The following GPSM2 variants were observed in gnomAD, a reference collection of about 807,000 sequenced individuals.
The protein encoded by GPSM2 is G protein signaling modulator 2, also known as G protein-signaling modulator 2.
Under a neutral mutation model 78.4 loss-of-function variants are expected in GPSM2, and 58 were observed. The ratio of observed to expected loss-of-function variants is 0.74; its 90% CI spans 0.60 to 0.92. GPSM2 has a LOEUF of 0.92. GPSM2 is among the 40% of genes least tolerant of loss of function. The pLI is 0.00. For synonymous variants in GPSM2, 224 were observed against 280.2 expected, an observed-to-expected ratio of 0.80 and a Z score of 2.00; for missense variants, 700 against 815.5, an observed-to-expected ratio of 0.86 and a Z score of 1.73.
At chr1:108,896,383 G>C (rs952445446) in intron 2 of GPSM2, among the ~76,000 whole-genome samples, 1 of 152,120 alleles carries the variant, frequency 6.6e-6, no homozygotes, top group African/African-American at 2.4e-5. Flanking sequence ...GTGTATGAGA[G>C]AGAGAGCGAG....
At chr1:108,886,570 G>A (rs2101335601) in intron 2 of GPSM2, among the ~76,000 whole-genome samples, 1 of 152,334 alleles carries the variant, frequency 6.6e-6, no homozygotes, top group Admixed American at 6.5e-5. Flanking sequence ...CCTGGTAGAA[G>A]GTTGCAGATT....
chr1:108,924,853 G>T (rs756163898), intron 14 of GPSM2, among the ~76,000 whole-genome samples: 1 of 152,142 alleles, frequency 6.6e-6, no homozygotes, highest in Non-Finnish European at 1.5e-5. Flanking sequence ...TCGTGTTTTA[G>T]ATGTATTAGG....
chr1:108,888,057 G>A (rs1019061064), intron 2 of GPSM2, among the ~76,000 whole-genome samples: 3 of 152,074 alleles, frequency 2.0e-5, no homozygotes, highest in Admixed American at 6.6e-5. Flanking sequence ...TTTTGTTTTT[G>A]TTTTTGTTTT....
intron 9 of GPSM2, among the ~76,000 whole-genome samples, chr1:108,903,794 A>G (rs1286978316): frequency 6.6e-6 from 1 of 152,216 alleles, no homozygotes; most frequent in Non-Finnish European, 1.5e-5. Context: ...TTATTCATAT[A>G]CCAAGTTAAT....
At chr1:108,887,727 A>G (rs962261615) in intron 2 of GPSM2, among the ~76,000 whole-genome samples, 2 of 152,214 alleles carry the variant, frequency 1.3e-5, no homozygotes, top group African/African-American at 4.8e-5. Context: ...CACAGACACC[A>G]TGCACCCAGT....
intron 2 of GPSM2, among the ~76,000 whole-genome samples, chr1:108,891,583 C>G (rs1262452810): frequency 6.6e-6 from 1 of 151,930 alleles, no homozygotes; most frequent in Non-Finnish European, 1.5e-5. Context: ...CACCCTCTGC[C>G]TACTGGGCTC....
intron 11 of GPSM2, among the ~76,000 whole-genome samples, chr1:108,917,607 CACACATATAT>C (rs1379520806): frequency 3.8e-5 from 1 of 26,180 alleles, no homozygotes; most frequent in African/African-American, 2.1e-4. Flanking sequence ...CACACACACA[CACACATATAT>C]ATATATATAT....
At chr1:108,910,960 TC>T (rs945855464) in intron 10 of GPSM2, among the ~76,000 whole-genome samples, 6 of 152,016 alleles carry the variant, frequency 3.9e-5, no homozygotes, top group Non-Finnish European at 8.8e-5. Flanking sequence ...AATATCCAAA[TC>T]TATTAAATCT....
intron 8 of GPSM2, 112 bp downstream of exon 8, chr1:108,902,057 G>T: frequency 3.9e-6 from 3 of 765,762 alleles, no homozygotes; most frequent in Admixed American, 2.1e-5. Context: ...TCCCTTTTAA[G>T]GAATTTTCTT....
intron 7 of GPSM2, among the ~76,000 whole-genome samples, chr1:108,900,233 ATTT>A (rs756615139): frequency 2.3e-5 from 3 of 131,206 alleles, no homozygotes; most frequent in Admixed American, 7.8e-5. Flanking sequence ...TCTTCTTTAG[ATTT>A]TTTTTTTTTT....
At chr1:108,900,753 A>T (rs1242038475) in intron 7 of GPSM2, among the ~76,000 whole-genome samples, 1 of 152,216 alleles carries the variant, frequency 6.6e-6, no homozygotes, top group Non-Finnish European at 1.5e-5. Flanking sequence ...AGTCTTTCAA[A>T]AATATTTGAA....
intron 7 of GPSM2, among the ~76,000 whole-genome samples, chr1:108,899,756 T>C (rs1324070171): frequency 6.6e-6 from 1 of 152,192 alleles, no homozygotes; most frequent in African/African-American, 2.4e-5. Flanking sequence ...GACACAGTGA[T>C]TGATTTGTAT....
At chr1:108,905,350 T>C (rs1212360164) in intron 10 of GPSM2, among the ~76,000 whole-genome samples, 1 of 152,346 alleles carries the variant, frequency 6.6e-6, no homozygotes, top group East Asian at 1.9e-4. Context: ...TAATATTCAT[T>C]GTCTTTACTT....
At chr1:108,880,746 G>T (rs191118136) in intron 1 of GPSM2, among the ~76,000 whole-genome samples, 210 of 152,328 alleles carry the variant, frequency 1.4e-3, no homozygotes, top group African/African-American at 4.9e-3. Flanking sequence ...TAGTTCAGAT[G>T]ATCTAACCTG....
In GPSM2 at chr1:108,897,008, G is replaced by T; in HGVS notation, c.201G>T (p.Gln67His). 6.2e-7 allele frequency: 1 copy of T among 1,613,928 alleles called. No individual in the cohort carries two copies. The highest frequency in any genetic ancestry group is 1.7e-5 in the Admixed American group (1 of 60,030). ...DLKTLSAIYS[Q>H]LGNAYFYLHD... The stretch of plus-strand genomic sequence containing the variant: ...AAACACTTAGCGCTATTTACAGCCA[G>T]TTGGGCAATGCTTATTTCTATTTGC... The change falls in exon 3 of 15, where the codon CAG (glutamine) becomes CAT (histidine). Residue 67 changes from glutamine (Q) to histidine (H), a missense_variant. Coordinates refer to ENST00000264126, the MANE Select transcript of GPSM2 (RefSeq NM_013296.5).
chr1:108,881,449 A>G (rs1345972572), intron 1 of GPSM2, among the ~76,000 whole-genome samples: 4 of 152,232 alleles, frequency 2.6e-5, no homozygotes, highest in African/African-American at 9.6e-5. Flanking sequence ...AAATTTTACT[A>G]GTCTTACACT....
At chr1:108,916,937 G>A (rs951445599) in intron 11 of GPSM2, among the ~76,000 whole-genome samples, 3 of 151,992 alleles carry the variant, frequency 2.0e-5, no homozygotes, top group Admixed American at 2.0e-4. Flanking sequence ...GCCTGAACTT[G>A]GATATGTGAA....
At chr1:108,880,822 T>C (rs1454650580) in intron 1 of GPSM2, among the ~76,000 whole-genome samples, 2 of 133,596 alleles carry the variant, frequency 1.5e-5, no homozygotes, top group East Asian at 4.4e-4. Flanking sequence ...GATCCATGGA[T>C]GGAAGAAACA....
rs1268703478 is a variant in GPSM2, at chr1:108,885,538, A to C, written c.16A>C (p.Ile6Leu). Residue 6 changes from isoleucine (I) to leucine (L), a missense_variant, in exon 2 of 15, where the codon ATA (isoleucine) becomes CTA (leucine). Coordinates refer to ENST00000264126, the MANE Select transcript of GPSM2 (RefSeq NM_013296.5). Reference protein sequence around the residue: MEENLISMREDHSFHV... With the variant: MEENLLSMREDHSFHV... ...ATATGACTCGATGGAGGAAAATTTG[A>C]TAAGCATGAGAGAAGACCATTCTTT... 3.8e-6 allele frequency: 6 copies of C among 1,578,672 alleles called. No homozygotes were observed. Among genetic ancestry groups the C allele is most frequent in the Non-Finnish European group, 5.2e-6 (6 of 1,148,062 alleles).
Sources: gnomAD v4.1 joint callset for allele counts (sites outside exome capture counted in the v4.1 genomes callset) on GRCh38, gnomAD v4.1.1 for gene constraint, MANE v1.5 for transcripts, NCBI Gene and HGNC (gene_info 2026-07-23, HGNC 2026-07-21) for gene names.